The following MACROD1 variants were observed in gnomAD, a reference collection of about 807,000 sequenced individuals.
The protein encoded by MACROD1 is mono-ADP ribosylhydrolase 1.
MACROD1 carries 31 observed loss-of-function variants against 41.4 expected under a neutral mutation model. That is an observed-to-expected ratio of 0.75 (90% CI 0.56 to 1.01). The LOEUF is 1.01. MACROD1 is among the 50% of genes least tolerant of loss of function. The pLI is 0.00. For missense variants in MACROD1, 473 were observed against 460.0 expected, an observed-to-expected ratio of 1.03 and a Z score of -0.26; for synonymous variants, 252 against 203.4, an observed-to-expected ratio of 1.24 and a Z score of -2.03.
chr11:64,048,879 C>T (rs986090349), intron 3 of MACROD1, among the ~76,000 whole-genome samples: 2 of 152,194 alleles, frequency 1.3e-5, no homozygotes, highest in African/African-American at 2.4e-5. Flanking sequence ...AACCCAAAGC[C>T]GCCCTTGCCC....
intron 3 of MACROD1, among the ~76,000 whole-genome samples, chr11:64,076,393 G>A (rs1353198672): frequency 6.6e-6 from 1 of 152,162 alleles, no homozygotes; most frequent in East Asian, 1.9e-4. Context: ...TGTCTCCAGT[G>A]CCCACAGCAG....
intron 3 of MACROD1, among the ~76,000 whole-genome samples, chr11:64,035,200 C>T (rs941163522): frequency 3.9e-5 from 6 of 151,998 alleles, no homozygotes; most frequent in Admixed American, 1.3e-4. Context: ...GGAGGGGGCG[C>T]TGGCATGGGA....
chr11:64,011,111 G>A (rs1943009648), intron 4 of MACROD1, among the ~76,000 whole-genome samples: 2 of 150,244 alleles, frequency 1.3e-5, no homozygotes, highest in African/African-American at 4.9e-5. Flanking sequence ...CATGTTGGTT[G>A]GGGTGTTGGC....
intron 3 of MACROD1, chr11:64,148,825 G>T: frequency 1.0e-6 from 1 of 985,684 alleles, no homozygotes; most frequent in Non-Finnish European, 1.2e-6. Flanking sequence ...GCTGCCCCCT[G>T]GTGGGCACAG....
At chr11:64,072,795 C>T (rs945007233) in intron 3 of MACROD1, among the ~76,000 whole-genome samples, 2 of 152,214 alleles carry the variant, frequency 1.3e-5, no homozygotes, top group Non-Finnish European at 2.9e-5. Flanking sequence ...CTTTGTGTTG[C>T]AGCTCCACCC....
intron 3 of MACROD1, among the ~76,000 whole-genome samples, chr11:64,044,532 C>T (rs1193504834): frequency 2.0e-5 from 3 of 152,186 alleles, no homozygotes. Flanking sequence ...AGACACTGCG[C>T]CTGCTCTCCC....
At chr11:64,014,387 G>C (rs1366457907) in intron 4 of MACROD1, among the ~76,000 whole-genome samples, 1 of 152,196 alleles carries the variant, frequency 6.6e-6, no homozygotes, top group Admixed American at 6.5e-5. Flanking sequence ...GCTGGTCACC[G>C]ACAGCTCTTA....
intron 4 of MACROD1, among the ~76,000 whole-genome samples, chr11:64,011,124 G>C (rs1943009841): frequency 6.7e-6 from 1 of 149,994 alleles, no homozygotes; most frequent in African/African-American, 2.5e-5. Context: ...GTGTTGGCTG[G>C]CATATTGGTT....
At chr11:64,010,734 TGTTG>T (rs1283106476) in intron 4 of MACROD1, among the ~76,000 whole-genome samples, 3 of 145,486 alleles carry the variant, frequency 2.1e-5, no homozygotes, top group Non-Finnish European at 3.0e-5. Context: ...TTGGTTGGCA[TGTTG>T]GTTGGGGTGT....
At chr11:64,147,539 C>T (rs1945511850) in intron 3 of MACROD1, among the ~76,000 whole-genome samples, 1 of 150,464 alleles carries the variant, frequency 6.6e-6, no homozygotes, top group Non-Finnish European at 1.5e-5. Context: ...TCTCCTACCT[C>T]AGCCTCCCAA....
At position 64,051,575 on chromosome 11, in the gene MACROD1, C is replaced by T. The variant is rs1221962477; in HGVS notation, c.518-36294G>A. On this transcript the variant is annotated intron_variant, in intron 3 of 10. Transcript: ENST00000255681. ...TGTTTGTGCAGAGACTAAATCTGTC[C>T]GGGTCTGACAGACGGCCTTGTGCCA... Among the ~76,000 whole-genome samples the T allele has an allele frequency of 2.6e-5, 4 of 152,216 alleles. No individual in the cohort carries two copies. In the East Asian group the frequency reaches 5.8e-4, roughly 22 times the overall value.
chr11:64,080,378 A>G (rs1368506338), intron 3 of MACROD1, among the ~76,000 whole-genome samples: 1 of 152,224 alleles, frequency 6.6e-6, no homozygotes, highest in African/African-American at 2.4e-5. Flanking sequence ...CTCACATACC[A>G]TAAAAGTCAC....
chr11:64,087,791 G>A (rs778772730), intron 3 of MACROD1, among the ~76,000 whole-genome samples: 12 of 152,222 alleles, frequency 7.9e-5, no homozygotes, highest in African/African-American at 2.2e-4. Context: ...GAGGCTGGAC[G>A]CCTGCCCAGG....
intron 3 of MACROD1, among the ~76,000 whole-genome samples, chr11:64,043,368 G>A (rs1337575186): frequency 2.0e-5 from 3 of 152,196 alleles, no homozygotes; most frequent in African/African-American, 7.2e-5. Context: ...GAAGGCTTGT[G>A]GGGCACTGCT....
At chr11:64,075,852 TTAG>T (rs1043873022) in intron 3 of MACROD1, among the ~76,000 whole-genome samples, 5 of 152,226 alleles carry the variant, frequency 3.3e-5, no homozygotes, top group Non-Finnish European at 5.9e-5. Flanking sequence ...TTGTACTTTT[TTAG>T]TAGAGACGGG....
chr11:64,059,694 C>T (rs1943859635), intron 3 of MACROD1, among the ~76,000 whole-genome samples: 1 of 152,230 alleles, frequency 6.6e-6, no homozygotes, highest in Non-Finnish European at 1.5e-5. Flanking sequence ...GAGGCCTAGG[C>T]ACAGAGAGGG....
chr11:64,086,620 C>A (rs1249446566), intron 3 of MACROD1, among the ~76,000 whole-genome samples: 1 of 152,106 alleles, frequency 6.6e-6, no homozygotes, highest in Non-Finnish European at 1.5e-5. Flanking sequence ...TTTTTCCGGC[C>A]CCTGCAGCCC....
At chr11:64,140,268 T>G (rs1440432378) in intron 3 of MACROD1, among the ~76,000 whole-genome samples, 1 of 152,216 alleles carries the variant, frequency 6.6e-6, no homozygotes, top group African/African-American at 2.4e-5. Flanking sequence ...CACACATCTT[T>G]CCCAATGGAA....
chr11:64,120,430 T>A lies in MACROD1; in HGVS notation c.517+30809A>T, dbSNP rs529489087. 1.3e-5 allele frequency among the ~76,000 whole-genome samples: 2 copies of A among 152,338 alleles called. No individual in the cohort carries two copies. The highest frequency in any genetic ancestry group is 4.1e-4 in the South Asian group (2 of 4,834). On this transcript the variant is annotated intron_variant, in intron 3 of 10. Transcript: ENST00000255681. This position sits in a 1 kb window ranked among gnomAD's most constrained non-coding sequence, Gnocchi z 4.5. ...GGCCGGGTGCAGTGGCTCACGCCTG[T>A]AATCCCAGCACTTTGGGAGACTGAG...
Sources: gnomAD v4.1 joint callset for allele counts (sites outside exome capture counted in the v4.1 genomes callset) on GRCh38, gnomAD v4.1.1 for gene constraint, Gnocchi (gnomAD v3.1) non-coding constraint, MANE v1.5 for transcripts, NCBI Gene and HGNC (gene_info 2026-07-23, HGNC 2026-07-21) for gene names.